NEK1: variants seen among roughly 807,000 people sequenced by gnomAD.
The protein encoded by NEK1 is NIMA related kinase 1.
A neutral mutation model predicts 182.1 loss-of-function variants in NEK1; 137 were observed. That is an observed-to-expected ratio of 0.75 (90% CI 0.65 to 0.87). The LOEUF is 0.87. Among genes scored for constraint, NEK1 ranks in the 40% least tolerant of loss-of-function variants. The pLI is 0.00. For synonymous variants in NEK1, 513 were observed against 492.2 expected (o/e 1.04, Z -0.56); for missense variants, 1,391 against 1,494.4 (o/e 0.93, Z 1.14).
At chr4:169,489,517 C>G (rs926288512) in intron 23 of NEK1, among the ~76,000 whole-genome samples, 10 of 152,130 alleles carry the variant, frequency 6.6e-5, no homozygotes, top group Admixed American at 4.6e-4. Context: ...AGGGTGGAGT[C>G]ATTGTTGTGC....
intron 27 of NEK1, among the ~76,000 whole-genome samples, chr4:169,446,398 T>C (rs1740578020): frequency 6.6e-6 from 1 of 152,048 alleles, no homozygotes; most frequent in African/African-American, 2.4e-5. Context: ...TGAACAACTA[T>C]ATGTTAACAA....
chr4:169,513,966 GTTA>G (rs1754636296), intron 19 of NEK1, among the ~76,000 whole-genome samples: 1 of 144,542 alleles, frequency 6.9e-6, no homozygotes, highest in Admixed American at 6.9e-5. Flanking sequence ...GAGGATTTTT[GTTA>G]TTTATTTATT....
chr4:169,610,415 G>A (rs915620707), intron 2 of NEK1, among the ~76,000 whole-genome samples: 8 of 151,986 alleles, frequency 5.3e-5, no homozygotes, highest in South Asian at 4.1e-4. Context: ...CCGGGTTCAA[G>A]CAATTATCCT....
chr4:169,400,479 A>G lies in NEK1; in HGVS notation c.3714+42T>C, dbSNP rs752201336. 8 of 1,558,814 alleles carry G rather than the reference A, an allele frequency of 5.1e-6. No homozygotes were observed. The African/African-American group carries it at 9.6e-5, about 19-fold the overall frequency. ...ATTATCAACATTTCTTCAACCTTCAAACATAGCACATTTTAAGTGTTTTAA... is the reference window on the plus strand; with the variant it reads ...ATTATCAACATTTCTTCAACCTTCAGACATAGCACATTTTAAGTGTTTTAA... On this transcript the variant is annotated intron_variant, in intron 34 of 35. Coordinates refer to ENST00000507142, the MANE Select transcript of NEK1 (RefSeq NM_001199397.3).
At chr4:169,479,635 G>A in intron 23 of NEK1, 101 bp from the exon 24 acceptor site, 1 of 981,594 alleles carries the variant, frequency 1.0e-6, no homozygotes, top group East Asian at 2.7e-5. Context: ...CTATCCACAA[G>A]TAGTTTTTTT....
intron 16 of NEK1, among the ~76,000 whole-genome samples, chr4:169,560,982 G>A (rs1762814514): frequency 1.3e-5 from 2 of 152,066 alleles, no homozygotes; most frequent in Non-Finnish European, 2.9e-5. Flanking sequence ...GGAAACACAA[G>A]TGCAAAGACA....
chr4:169,441,740 C>T (rs1223308834), intron 27 of NEK1, among the ~76,000 whole-genome samples: 1 of 151,690 alleles, frequency 6.6e-6, no homozygotes, highest in Non-Finnish European at 1.5e-5. Context: ...AAAGGGCCCA[C>T]CCAGCCTGCC....
intron 29 of NEK1, among the ~76,000 whole-genome samples, chr4:169,429,912 A>T (rs543276681): frequency 2.6e-5 from 4 of 152,152 alleles, no homozygotes; most frequent in South Asian, 4.2e-4. Context: ...TCCTTTAAAA[A>T]TTTTTTATTT....
At chr4:169,541,828 T>C (rs11722114) in intron 18 of NEK1, among the ~76,000 whole-genome samples, 43,940 of 151,980 alleles carry the variant, frequency 0.29, 8,969 homozygotes, top group African/African-American at 0.59. Context: ...ATTTCAACCT[T>C]TGGTTAATAC....
At chr4:169,551,589 T>TA (rs1231890878) in intron 18 of NEK1, among the ~76,000 whole-genome samples, 1 of 152,110 alleles carries the variant, frequency 6.6e-6, no homozygotes, top group Non-Finnish European at 1.5e-5. Flanking sequence ...TTTAAAAAGA[T>TA]AAAAATTTGT....
intron 19 of NEK1, among the ~76,000 whole-genome samples, chr4:169,535,817 T>C (rs1374962715): frequency 1.3e-5 from 2 of 148,726 alleles, no homozygotes; most frequent in Non-Finnish European, 3.0e-5. Context: ...GAGGCGGAGG[T>C]TGCAGTGAGC....
rs183977488 is a variant in NEK1, at chr4:169,585,585, T to C, written c.607-36A>G. On this transcript the variant is annotated intron_variant, in intron 9 of 35. Coordinates refer to ENST00000507142, the MANE Select transcript of NEK1 (RefSeq NM_001199397.3). ...GAAAATAAATAACATATAGGAAACA[T>C]ATATAAATTGAAACTGAGAATATCG... The C allele has an allele frequency of 2.9e-6, 4 of 1,385,258 alleles. No homozygotes were observed. In the African/African-American group the frequency reaches 4.3e-5, roughly 15 times the overall value. The allele number at this position is 1,385,258 out of a possible 1,614,324, so 85.8% of individuals were successfully genotyped here.
chr4:169,609,930 T>C (rs1378016140), intron 2 of NEK1, among the ~76,000 whole-genome samples: 1 of 152,204 alleles, frequency 6.6e-6, no homozygotes, highest in East Asian at 1.9e-4. Context: ...CATGCTTCTT[T>C]TCAAGTATAT....
intron 27 of NEK1, among the ~76,000 whole-genome samples, chr4:169,455,923 C>G (rs1023769018): frequency 1.3e-5 from 2 of 152,178 alleles, no homozygotes; most frequent in Non-Finnish European, 2.9e-5. Context: ...TTCTTCTCCT[C>G]AGTACATGAA....
Position 169,602,639 on chromosome 4 carries a change from T to C in NEK1, c.-9A>G, listed in dbSNP as rs1057523759. 1 of 1,450,486 alleles carries C rather than the reference T, an allele frequency of 6.9e-7. No individual in the cohort carries two copies. Among genetic ancestry groups the C allele is most frequent in the Admixed American group, 1.7e-5 (1 of 58,990 alleles). The allele number at this position is 1,450,486 out of a possible 1,614,324, so 89.9% of individuals were successfully genotyped here. On this transcript the variant is annotated 5_prime_UTR_variant, in exon 3 of 36. Coordinates refer to ENST00000507142, the MANE Select transcript of NEK1 (RefSeq NM_001199397.3). The stretch of plus-strand genomic sequence containing the variant: ...CTAACATACTTCTCCATGATTCTTT[T>C]TCTAAGGCATCTTTACAGATATGCT...
At chr4:169,550,327 C>A (rs569529815) in intron 18 of NEK1, among the ~76,000 whole-genome samples, 6 of 152,274 alleles carry the variant, frequency 3.9e-5, no homozygotes, top group Admixed American at 6.5e-5. Context: ...TCCATTAGAC[C>A]TCTTTTTCTT....
chr4:169,611,198 C>G (rs1772269045), intron 2 of NEK1, among the ~76,000 whole-genome samples: 1 of 152,146 alleles, frequency 6.6e-6, no homozygotes, highest in Non-Finnish European at 1.5e-5. Context: ...ACTATTCACA[C>G]GACCTCAAAA....
At chr4:169,578,487 G>A (rs920106933) in intron 11 of NEK1, among the ~76,000 whole-genome samples, 1 of 152,090 alleles carries the variant, frequency 6.6e-6, no homozygotes, top group Admixed American at 6.6e-5. Flanking sequence ...TTAACTGGTA[G>A]TTCAAAATGA....
intron 23 of NEK1, among the ~76,000 whole-genome samples, chr4:169,485,404 T>G (rs1748857647): frequency 6.6e-6 from 1 of 152,210 alleles, no homozygotes; most frequent in Admixed American, 6.5e-5. Flanking sequence ...AGTAACTTAT[T>G]AGTACAGTTG....
Sources: gnomAD v4.1 joint callset for allele counts (sites outside exome capture counted in the v4.1 genomes callset) on GRCh38, gnomAD v4.1.1 for gene constraint, MANE v1.5 for transcripts, NCBI Gene and HGNC (gene_info 2026-07-23, HGNC 2026-07-21) for gene names.